Variants in STOX2 observed in about 807,000 individuals in gnomAD.
STOX2 encodes storkhead box 2, also known as storkhead-box protein 2.
Under a neutral mutation model 60.9 loss-of-function variants are expected in STOX2, and 28 were observed. That is an observed-to-expected ratio of 0.46 (90% CI 0.34 to 0.63). The LOEUF (loss-of-function observed/expected upper bound fraction) is 0.63. Among genes scored for constraint, STOX2 ranks in the 30% least tolerant of loss-of-function variants. STOX2 has a pLI of 0.01. For synonymous variants in STOX2, 472 were observed against 463.9 expected, an observed-to-expected ratio of 1.02 and a Z score of -0.22; for missense variants, 1,024 against 1,187.7, an observed-to-expected ratio of 0.86 and a Z score of 2.03.
chr4:183,962,589 C>T (rs1241209830), intron 1 of STOX2, among the ~76,000 whole-genome samples: 1 of 152,116 alleles, frequency 6.6e-6, no homozygotes, highest in Non-Finnish European at 1.5e-5. Flanking sequence ...ATCATTATAT[C>T]CTGTGACAGG....
At position 183,836,356 on chromosome 4, in the gene STOX2, A is replaced by G. The variant is rs1479459578; in HGVS notation, c.364+38301A>G. Among the ~76,000 whole-genome samples, 2 of 152,190 alleles carry G rather than the reference A, an allele frequency of 1.3e-5. No individual in the cohort carries two copies. The highest frequency in any genetic ancestry group is 2.9e-5 in the Non-Finnish European group (2 of 68,040). ...TTTCAGCAGCAACAGTGGTCTGAGGACCACTAAAAATAAACATAAGGAGTG... is the reference window on the plus strand; with the variant it reads ...TTTCAGCAGCAACAGTGGTCTGAGGGCCACTAAAAATAAACATAAGGAGTG... On this transcript the variant is annotated intron_variant, in intron 1 of 2. Transcript: ENST00000513034. The surrounding 1 kb of genome is among the most constrained non-coding windows in gnomAD (Gnocchi z 4.1).
At position 183,951,012 on chromosome 4, in the gene STOX2, G is replaced by A. The variant is rs573145099; in HGVS notation, c.166+44056G>A. On this transcript the variant is annotated intron_variant, in intron 1 of 3. Transcript: ENST00000308497. ...GGGCGGATCACGAGGTCAGGAGATCGAGACCATCCTGGCTAACACGGTGAA... is the reference window on the plus strand; with the variant it reads ...GGGCGGATCACGAGGTCAGGAGATCAAGACCATCCTGGCTAACACGGTGAA... Among the ~76,000 whole-genome samples, 655 of 152,014 alleles carry A rather than the reference G, an allele frequency of 4.3e-3. 4 individuals carry two copies. The highest frequency in any genetic ancestry group is 7.0e-3 in the Non-Finnish European group (473 of 67,942).
At chr4:183,935,170 C>T (rs961786641) in intron 1 of STOX2, among the ~76,000 whole-genome samples, 3 of 152,222 alleles carry the variant, frequency 2.0e-5, no homozygotes, top group Non-Finnish European at 2.9e-5. Context: ...TACTCCCCAG[C>T]ATGGATGTCC....
intron 1 of STOX2, among the ~76,000 whole-genome samples, chr4:183,861,182 A>T (rs1193889410): frequency 6.6e-6 from 1 of 152,194 alleles, no homozygotes; most frequent in East Asian, 1.9e-4. Flanking sequence ...ACAGGGAGAA[A>T]AACACAGAAC....
chr4:183,984,303 C>T (rs937214040), intron 1 of STOX2, among the ~76,000 whole-genome samples: 7 of 152,196 alleles, frequency 4.6e-5, no homozygotes, highest in East Asian at 1.9e-4. Context: ...CTGACTGTTT[C>T]GACCCCGGTT....
intron 1 of STOX2, among the ~76,000 whole-genome samples, chr4:183,930,053 T>C (rs1007676508): frequency 3.3e-5 from 5 of 152,084 alleles, no homozygotes; most frequent in Middle Eastern, 3.4e-3. Context: ...TTAGTAGAGA[T>C]GGAGTTTCAC....
At chr4:183,930,674 A>G (rs1156740399) in intron 1 of STOX2, among the ~76,000 whole-genome samples, 1 of 152,190 alleles carries the variant, frequency 6.6e-6, no homozygotes, top group African/African-American at 2.4e-5. Context: ...TTGTTTCAAG[A>G]AGGAAGTTAG....
chr4:183,952,862 A>C (rs911024939), intron 1 of STOX2, among the ~76,000 whole-genome samples: 23 of 151,976 alleles, frequency 1.5e-4, no homozygotes, highest in Admixed American at 1.3e-3. Context: ...GCAGCCATAA[A>C]AAAGGATGAG....
At chr4:183,947,086 TG>T (rs1007602964) in intron 1 of STOX2, among the ~76,000 whole-genome samples, 1 of 13,350 alleles carries the variant, frequency 7.5e-5, no homozygotes, top group Non-Finnish European at 5.5e-4. Flanking sequence ...TGGTGGGGGG[TG>T]GGGCAAGGGG....
chr4:183,915,524 T>G (rs1377390205), intron 1 of STOX2, among the ~76,000 whole-genome samples: 1 of 151,888 alleles, frequency 6.6e-6, no homozygotes, highest in African/African-American at 2.4e-5. Flanking sequence ...AAAAGATAGG[T>G]TCAAGTCCTA....
At chr4:183,892,024 G>T (rs531747070) in intron 1 of STOX2, among the ~76,000 whole-genome samples, 2 of 152,302 alleles carry the variant, frequency 1.3e-5, no homozygotes, top group Admixed American at 1.3e-4. Context: ...GAGTAGAGGT[G>T]CTGGGATTCA....
upstream of STOX2, among the ~76,000 whole-genome samples, chr4:183,902,188 A>G (rs1344664455): frequency 6.6e-6 from 1 of 152,204 alleles, no homozygotes; most frequent in Non-Finnish European, 1.5e-5. Flanking sequence ...CCTCATCCTT[A>G]TGGAGTTTAC....
chr4:183,969,033 A>G (rs955948985), intron 1 of STOX2, among the ~76,000 whole-genome samples: 8 of 152,206 alleles, frequency 5.3e-5, no homozygotes, highest in African/African-American at 1.9e-4. Context: ...TTTGTTCTTA[A>G]AACAAGCCTT....
At position 183,906,758 on chromosome 4, in the gene STOX2, C is replaced by A. The variant is rs1323210483; in HGVS notation, c.-33C>A. On this transcript the variant is annotated 5_prime_UTR_variant, in exon 1 of 4. Coordinates refer to ENST00000308497, the MANE Select transcript of STOX2 (RefSeq NM_020225.3). The stretch of plus-strand genomic sequence containing the variant: ...GCGCTGCGCCCCGGCGCTGAGGCCC[C>A]GAGGATCGGGGCGGCAGGTCGCCCT... 5 of 1,492,862 alleles carry A rather than the reference C, an allele frequency of 3.3e-6. No individual in the cohort carries two copies. Among genetic ancestry groups the A allele is most frequent in the Non-Finnish European group, 4.5e-6 (5 of 1,114,938 alleles). The allele number at this position is 1,492,862 out of a possible 1,614,324, so 92.5% of individuals were successfully genotyped here. A position where few individuals can be genotyped will look rare whatever the true frequency, so the allele number is the denominator to read the frequency against.
At chr4:183,967,570 C>T (rs1397173620) in intron 1 of STOX2, among the ~76,000 whole-genome samples, 1 of 151,968 alleles carries the variant, frequency 6.6e-6, no homozygotes, top group Non-Finnish European at 1.5e-5. Context: ...GGGTGGTGCT[C>T]ACACCTGGCA....
chr4:184,005,854 A>G (rs976204840), intron 2 of STOX2, among the ~76,000 whole-genome samples: 1 of 152,246 alleles, frequency 6.6e-6, no homozygotes, highest in Non-Finnish European at 1.5e-5. Flanking sequence ...TGGCTTGGAC[A>G]GGGGGCAAAG....
intron 1 of STOX2, among the ~76,000 whole-genome samples, chr4:183,862,448 G>A (rs1272023383): frequency 6.6e-6 from 1 of 152,198 alleles, no homozygotes; most frequent in Non-Finnish European, 1.5e-5. Flanking sequence ...ATGAGCTACT[G>A]TGCCCAGCCA....
chr4:183,833,436 T>TTCCC (rs1739620122), intron 1 of STOX2, among the ~76,000 whole-genome samples: 1 of 152,098 alleles, frequency 6.6e-6, no homozygotes, highest in Admixed American at 6.6e-5. Context: ...ACATAAAAGA[T>TTCCC]CAAACATTCC....
chr4:183,945,975 C>A (rs904000293), intron 1 of STOX2, among the ~76,000 whole-genome samples: 2 of 152,152 alleles, frequency 1.3e-5, no homozygotes, highest in Non-Finnish European at 2.9e-5. Flanking sequence ...TCCGTAGCTC[C>A]CTTGGGACTA....
Sources: gnomAD v4.1 joint callset for allele counts (sites outside exome capture counted in the v4.1 genomes callset) on GRCh38, gnomAD v4.1.1 for gene constraint, Gnocchi (gnomAD v3.1) non-coding constraint, MANE v1.5 for transcripts, NCBI Gene and HGNC (gene_info 2026-07-23, HGNC 2026-07-21) for gene names.